The following GPT2 variants were observed in gnomAD, a reference collection of about 807,000 sequenced individuals.
GPT2 encodes glutamic--pyruvic transaminase 2.
A neutral mutation model predicts 56.9 loss-of-function variants in GPT2; 30 were observed. The observed-to-expected ratio is 0.53, with a 90% CI of 0.39 to 0.72. The LOEUF is 0.72. GPT2 is among the 30% of genes least tolerant of loss of function. The pLI, the probability that GPT2 is intolerant of heterozygous loss-of-function variation, is 0.00. For missense variants in GPT2, 542 were observed against 703.4 expected (o/e 0.77, Z 2.60); for synonymous variants, 271 against 283.1 (o/e 0.96, Z 0.43).
chr16:46,925,121 G>C (rs760922725), intron 10 of GPT2, among the ~76,000 whole-genome samples: 3 of 151,874 alleles, frequency 2.0e-5, no homozygotes, highest in South Asian at 2.1e-4. Context: ...TTTGTTGCCC[G>C]GGCTGGTTGC....
intron 9 of GPT2, among the ~76,000 whole-genome samples, chr16:46,923,452 C>G (rs979256355): frequency 1.3e-5 from 2 of 152,118 alleles, no homozygotes; most frequent in South Asian, 2.1e-4. Context: ...AGCAAGACTC[C>G]GTTTAAAAAC....
At chr16:46,885,565 G>T (rs1209147222) in intron 2 of GPT2, 1 of 984,906 alleles carries the variant, frequency 1.0e-6, no homozygotes, top group Non-Finnish European at 1.2e-6. Flanking sequence ...GTGGTCTGGG[G>T]ACAGTCACCG....
chr16:46,906,512 G>C (rs1463345611), intron 4 of GPT2, among the ~76,000 whole-genome samples: 1 of 152,224 alleles, frequency 6.6e-6, no homozygotes, highest in East Asian at 1.9e-4. Context: ...GGGTGGAACA[G>C]TTGTGGACAC....
intron 6 of GPT2, among the ~76,000 whole-genome samples, chr16:46,913,411 G>A (rs1961081713): frequency 6.6e-6 from 1 of 152,236 alleles, no homozygotes; most frequent in Non-Finnish European, 1.5e-5. Flanking sequence ...AGGTTCTGCT[G>A]TCCTCAGAAA....
In GPT2 at chr16:46,898,998, CATATATATATATATATATATAT is replaced by C. The variant is rs61197632; in HGVS notation, c.333+1278_333+1299del. ...CACATATATATATATATATAACACA[CATATATATATATATATATATAT>C]ATATATATATATATATTTTTTTTTT... On this transcript the variant is annotated intron_variant, in intron 3 of 11. Transcript: ENST00000340124. 9.6e-4 allele frequency among the ~76,000 whole-genome samples: 120 copies of C among 124,418 alleles called. 3 individuals are homozygous for C. The highest frequency in any genetic ancestry group is 7.9e-3 in the Middle Eastern group (2 of 254). The allele number at this position is 124,418 out of a possible 152,430, so 81.6% of individuals were successfully genotyped here.
At chr16:46,906,731 C>T (rs184727714) in intron 4 of GPT2, 111 bp from the exon 5 acceptor site, 24 of 1,441,038 alleles carry the variant, frequency 1.7e-5, no homozygotes, top group Middle Eastern at 2.1e-4. Flanking sequence ...GGCCCCACCC[C>T]GAGACCCTCA....
At chr16:46,928,393 G>C (rs961387967) in intron 11 of GPT2, among the ~76,000 whole-genome samples, 1 of 151,756 alleles carries the variant, frequency 6.6e-6, no homozygotes, top group Non-Finnish European at 1.5e-5. Context: ...GGGAGGCCAA[G>C]GTGAGCAGAT....
intron 4 of GPT2, among the ~76,000 whole-genome samples, chr16:46,905,345 G>A (rs949602462): frequency 4.6e-5 from 7 of 152,110 alleles, no homozygotes; most frequent in African/African-American, 1.2e-4. Context: ...CACTGCGCCC[G>A]ACCCCAGTTC....
chr16:46,924,878 G>A (rs966828813), intron 10 of GPT2, among the ~76,000 whole-genome samples: 1 of 152,140 alleles, frequency 6.6e-6, no homozygotes, highest in Non-Finnish European at 1.5e-5. Flanking sequence ...CTGCATTCTG[G>A]AGCAGCGCTT....
chr16:46,898,215 C>T lies in GPT2; in HGVS notation c.333+478C>T, dbSNP rs7192932. 9.0e-3 allele frequency among the ~76,000 whole-genome samples: 1,368 copies of T among 152,260 alleles called. 18 individuals are homozygous for T. Among genetic ancestry groups the T allele is most frequent in the African/African-American group, 0.032 (1,315 of 41,552 alleles). ...GCAGAGCGCCGCCTCGGGAGATTGC[C>T]GGGCCTTGGTGAGGCGATGAGTGCA... On this transcript the variant is annotated intron_variant, in intron 3 of 11. Transcript: ENST00000340124.
intron 6 of GPT2, among the ~76,000 whole-genome samples, chr16:46,910,953 A>G (rs1961036990): frequency 6.6e-6 from 1 of 152,090 alleles, no homozygotes; most frequent in Non-Finnish European, 1.5e-5. Context: ...TCATTTGCAA[A>G]GACTTGCCTC....
At chr16:46,904,789 G>A (rs1176666416) in intron 4 of GPT2, among the ~76,000 whole-genome samples, 1 of 152,138 alleles carries the variant, frequency 6.6e-6, no homozygotes, top group African/African-American at 2.4e-5. Flanking sequence ...TCTTACAGAA[G>A]CTCAGAAATA....
At chr16:46,888,472 G>A (rs575595433) in intron 2 of GPT2, among the ~76,000 whole-genome samples, 5 of 152,088 alleles carry the variant, frequency 3.3e-5, no homozygotes, top group African/African-American at 4.8e-5. Flanking sequence ...TCAGCCTCCC[G>A]AGTAGCTGGG....
chr16:46,918,892 TCC>T, intron 8 of GPT2, 135 bp downstream of exon 8: 1 of 1,082,928 alleles, frequency 9.2e-7, no homozygotes, highest in Non-Finnish European at 1.3e-6. Context: ...CTGCTGCATC[TCC>T]CCAGTGGGAG....
At chr16:46,916,372 A>C (rs1393760115) in intron 6 of GPT2, 1 of 345,358 alleles carries the variant, frequency 2.9e-6, no homozygotes, top group African/African-American at 2.1e-5. Context: ...AAAAAATAAG[A>C]GAGCCAGGTG....
intron 8 of GPT2, 142 bp downstream of exon 8, chr16:46,918,899 T>TG: frequency 9.8e-7 from 1 of 1,020,744 alleles, no homozygotes; most frequent in Non-Finnish European, 1.4e-6. Context: ...ATCTCCCCAG[T>TG]GGGAGAGCCG....
chr16:46,906,819 C>G (rs1960939506), intron 4 of GPT2, 23 bp from the exon 5 acceptor site: 1 of 1,611,782 alleles, frequency 6.2e-7, no homozygotes, highest in Admixed American at 1.7e-5. Flanking sequence ...GCCTCTGTTA[C>G]TGTCTTGCCT....
At chr16:46,924,866 C>T (rs1456775871) in intron 10 of GPT2, among the ~76,000 whole-genome samples, 1 of 152,130 alleles carries the variant, frequency 6.6e-6, no homozygotes, top group Non-Finnish European at 1.5e-5. Flanking sequence ...TCCACCCAGC[C>T]ACTGCATTCT....
intron 5 of GPT2, among the ~76,000 whole-genome samples, chr16:46,907,724 C>T (rs932462944): frequency 1.3e-4 from 20 of 152,210 alleles, no homozygotes; most frequent in African/African-American, 4.3e-4. Flanking sequence ...GGTCATTGTG[C>T]TAAGAACAAC....
Sources: allele counts gnomAD v4.1 joint callset (sites outside exome capture counted in the v4.1 genomes callset), GRCh38; gene constraint gnomAD v4.1.1; transcripts MANE v1.5; gene names NCBI Gene and HGNC (gene_info 2026-07-23, HGNC 2026-07-21).